AHI1: variants seen among roughly 807,000 people sequenced by gnomAD.
AHI1 encodes jouberin.
AHI1 carries 123 observed loss-of-function variants against 149.3 expected under a neutral mutation model. That is an observed-to-expected ratio of 0.82 (90% CI 0.71 to 0.96). AHI1 has a LOEUF of 0.96. AHI1 is among the 40% of genes least tolerant of loss of function. AHI1 has a pLI of 0.00. For synonymous variants in AHI1, 475 were observed against 459.8 expected (o/e 1.03, Z -0.42); for missense variants, 1,439 against 1,422.7 (o/e 1.01, Z -0.18).
intron 23 of AHI1, among the ~76,000 whole-genome samples, chr6:135,364,779 G>A (rs531717265): frequency 9.2e-5 from 14 of 152,370 alleles, no homozygotes; most frequent in African/African-American, 3.4e-4. Context: ...GCAATCGCAG[G>A]CACTCGGCAA....
intron 20 of AHI1, among the ~76,000 whole-genome samples, chr6:135,415,861 A>G (rs1439646923): frequency 6.6e-6 from 1 of 152,220 alleles, no homozygotes; most frequent in Non-Finnish European, 1.5e-5. Context: ...GCTAAAACAC[A>G]GATTTATCAA....
chr6:135,488,137 T>C (rs1023376984), intron 5 of AHI1, among the ~76,000 whole-genome samples: 1 of 152,278 alleles, frequency 6.6e-6, no homozygotes, highest in African/African-American at 2.4e-5. Context: ...ACTCTTAAGA[T>C]ACAAACAAAA....
chr6:135,307,357 T>C (rs1241620052), intron 26 of AHI1, among the ~76,000 whole-genome samples: 1 of 152,180 alleles, frequency 6.6e-6, no homozygotes, highest in Non-Finnish European at 1.5e-5. Context: ...TTTTCCATAG[T>C]TTATGAAAAG....
chr6:135,448,825 T>C (rs1787647213), intron 11 of AHI1, among the ~76,000 whole-genome samples: 1 of 152,218 alleles, frequency 6.6e-6, no homozygotes, highest in African/African-American at 2.4e-5. Flanking sequence ...GACTAAACTG[T>C]ATATTTACAC....
At chr6:135,374,487 T>C (rs918291819) in intron 23 of AHI1, among the ~76,000 whole-genome samples, 2 of 152,088 alleles carry the variant, frequency 1.3e-5, no homozygotes, top group African/African-American at 4.8e-5. Flanking sequence ...GAAAAGAAGG[T>C]AAACTATGTT....
intron 24 of AHI1, among the ~76,000 whole-genome samples, chr6:135,330,793 T>C (rs1788472770): frequency 6.6e-6 from 1 of 152,200 alleles, no homozygotes; most frequent in Non-Finnish European, 1.5e-5. Context: ...ATTTCAGCGT[T>C]TTTATCCAAT....
chr6:135,403,207 G>A (rs1780270261), intron 22 of AHI1, among the ~76,000 whole-genome samples: 1 of 152,044 alleles, frequency 6.6e-6, no homozygotes. Flanking sequence ...TTCATTCAGG[G>A]GTGATGAAAA....
At chr6:135,478,607 A>G (rs1253041599) in intron 5 of AHI1, among the ~76,000 whole-genome samples, 3 of 152,246 alleles carry the variant, frequency 2.0e-5, no homozygotes, top group African/African-American at 7.2e-5. Context: ...TTAAAAGGGA[A>G]GCAGAGCACG....
chr6:135,471,678 G>A (rs202169176), intron 5 of AHI1, among the ~76,000 whole-genome samples: 3 of 148,030 alleles, frequency 2.0e-5, no homozygotes, highest in Admixed American at 1.3e-4. Flanking sequence ...GTTTTTTTTT[G>A]CTTTGGTTTA....
intron 20 of AHI1, among the ~76,000 whole-genome samples, 193 bp from the exon 21 acceptor site, chr6:135,411,737 A>G (rs1284434873): frequency 2.0e-5 from 3 of 152,200 alleles, no homozygotes; most frequent in Non-Finnish European, 4.4e-5. Context: ...ATAGAATTTC[A>G]TGTCAGGCAG....
At chr6:135,471,906 G>A (rs1470963695) in intron 5 of AHI1, among the ~76,000 whole-genome samples, 1 of 151,358 alleles carries the variant, frequency 6.6e-6, no homozygotes, top group African/African-American at 2.4e-5. Context: ...CAGCTACTGG[G>A]GAGGCTGAGG....
chr6:135,440,292 C>A (rs1445889549), intron 14 of AHI1, among the ~76,000 whole-genome samples: 1 of 152,116 alleles, frequency 6.6e-6, no homozygotes, highest in Non-Finnish European at 1.5e-5. Context: ...CCCTAAGGTG[C>A]ATGTCAAAAC....
intron 15 of AHI1, among the ~76,000 whole-genome samples, chr6:135,436,476 AACTGG>A (rs1785417066): frequency 6.6e-6 from 1 of 152,210 alleles, no homozygotes; most frequent in East Asian, 1.9e-4. Context: ...AAGCCAGAAT[AACTGG>A]GCTGAAGTAA....
chr6:135,390,420 C>T (rs890408862), intron 23 of AHI1, among the ~76,000 whole-genome samples: 1 of 152,046 alleles, frequency 6.6e-6, no homozygotes, highest in African/African-American at 2.4e-5. Context: ...TATATTATTA[C>T]TTTGCAATAT....
At chr6:135,360,347 AG>A (rs1209849019) in intron 23 of AHI1, among the ~76,000 whole-genome samples, 4 of 152,218 alleles carry the variant, frequency 2.6e-5, no homozygotes, top group African/African-American at 9.7e-5. Context: ...ACAGGCTTTG[AG>A]TAAAGCACAC....
At chr6:135,358,283 G>T in intron 23 of AHI1, 96 bp from the exon 24 acceptor site, 1 of 1,025,146 alleles carries the variant, frequency 9.8e-7, no homozygotes, top group South Asian at 1.4e-5. Flanking sequence ...CATTTATTAT[G>T]ACTCACACAG....
intron 24 of AHI1, among the ~76,000 whole-genome samples, chr6:135,356,080 A>T (rs966230394): frequency 6.6e-6 from 1 of 152,158 alleles, no homozygotes; most frequent in Admixed American, 6.5e-5. Context: ...ATGGGTAAAG[A>T]AGTAAGCTGG....
intron 7 of AHI1, among the ~76,000 whole-genome samples, chr6:135,463,602 C>G (rs1327485103): frequency 6.6e-6 from 1 of 152,046 alleles, no homozygotes; most frequent in African/African-American, 2.4e-5. Context: ...TCTCTCTTTA[C>G]ATAGGACTTA....
intron 23 of AHI1, among the ~76,000 whole-genome samples, chr6:135,393,078 T>C (rs1432860966): frequency 6.6e-6 from 1 of 152,100 alleles, no homozygotes; most frequent in East Asian, 1.9e-4. Context: ...TGTGCAGGGA[T>C]ATAAATATCC....
Sources: allele counts gnomAD v4.1 joint callset (sites outside exome capture counted in the v4.1 genomes callset), GRCh38; gene constraint gnomAD v4.1.1; transcripts MANE v1.5; gene names NCBI Gene and HGNC (gene_info 2026-07-23, HGNC 2026-07-21).